KDM4A: variants seen among roughly 807,000 people sequenced by gnomAD.
The protein encoded by KDM4A is lysine demethylase 4A, also known as lysine-specific demethylase 4A.
A neutral mutation model predicts 127.1 loss-of-function variants in KDM4A; 23 were observed. The observed-to-expected ratio is 0.18, with a 90% CI of 0.13 to 0.26. The LOEUF (loss-of-function observed/expected upper bound fraction) is 0.26. Ranked by LOEUF, KDM4A falls within the 10% of genes least tolerant of loss-of-function variation. The pLI is 1.00. For missense variants in KDM4A, 890 were observed against 1,329.1 expected, an observed-to-expected ratio of 0.67 and a Z score of 5.14; for synonymous variants, 443 against 466.5, an observed-to-expected ratio of 0.95 and a Z score of 0.65.
intron 9 of KDM4A, 81 bp from the exon 10 acceptor site, chr1:43,669,019 T>C: frequency 7.0e-7 from 1 of 1,423,454 alleles, no homozygotes; most frequent in Non-Finnish European, 9.8e-7. Context: ...TCACTTTGGG[T>C]TGTGTGTGGA....
intron 3 of KDM4A, among the ~76,000 whole-genome samples, chr1:43,659,562 G>A (rs377372678): frequency 6.6e-6 from 1 of 151,988 alleles, no homozygotes; most frequent in African/African-American, 2.4e-5. Flanking sequence ...CAGGTGATCC[G>A]CCCCCGCCAG....
In KDM4A at chr1:43,705,417, A is replaced by G. The variant is rs1175856343; in HGVS notation, c.*1047A>G. 1 of 152,624 alleles carries G rather than the reference A, an allele frequency of 6.6e-6. No individual in the cohort carries two copies. The highest frequency in any genetic ancestry group is 2.4e-5 in the African/African-American group (1 of 41,446). The allele number at this position is 152,624 out of a possible 1,614,324, so 9.5% of individuals were successfully genotyped here. On this transcript the variant is annotated 3_prime_UTR_variant, in exon 22 of 22. Transcript: ENST00000372396. Reference sequence around the variant, plus strand: ...CTGTGTATACAAGAATCAGATTTATAATACTTCCCCTTTTTTGTTACGTAT... The same window carrying G: ...CTGTGTATACAAGAATCAGATTTATGATACTTCCCCTTTTTTGTTACGTAT...
At chr1:43,678,788 T>C (rs554137646) in intron 11 of KDM4A, among the ~76,000 whole-genome samples, 6 of 152,192 alleles carry the variant, frequency 3.9e-5, no homozygotes, top group Admixed American at 2.6e-4. Flanking sequence ...GGTATCCTTA[T>C]GTTGCCTAGG....
chr1:43,654,860 T>C (rs1197042057), intron 2 of KDM4A, among the ~76,000 whole-genome samples: 2 of 150,622 alleles, frequency 1.3e-5, no homozygotes, highest in Admixed American at 6.7e-5. Flanking sequence ...ATTTTTTTTG[T>C]TTTTTTTTGA....
At chr1:43,659,715 A>G (rs563458850) in intron 3 of KDM4A, among the ~76,000 whole-genome samples, 12 of 152,360 alleles carry the variant, frequency 7.9e-5, no homozygotes, top group Admixed American at 7.2e-4. Flanking sequence ...TGGATGTGCA[A>G]AAATCTATAT....
chr1:43,681,446 C>CG (rs1484180122), intron 11 of KDM4A, among the ~76,000 whole-genome samples: 2 of 152,178 alleles, frequency 1.3e-5, no homozygotes, highest in African/African-American at 4.8e-5. Context: ...TCTGAACCCC[C>CG]AGTCTGAATT....
chr1:43,689,124 C>T, intron 13 of KDM4A, 29 bp downstream of exon 13: 2 of 1,604,398 alleles, frequency 1.2e-6, no homozygotes, highest in South Asian at 1.1e-5. Context: ...CTCTGTTTAC[C>T]CAGGACCAGC....
chr1:43,687,088 G>T (rs758899374), intron 12 of KDM4A, among the ~76,000 whole-genome samples: 6 of 152,174 alleles, frequency 3.9e-5, no homozygotes, highest in Admixed American at 1.3e-4. Flanking sequence ...CTCCTGTTTG[G>T]CCAGGATAAA....
At chr1:43,660,516 G>A (rs1490731580) in intron 4 of KDM4A, 104 bp downstream of exon 4, 6 of 1,457,592 alleles carry the variant, frequency 4.1e-6, no homozygotes, top group African/African-American at 2.8e-5. Flanking sequence ...TGGTGAATGG[G>A]TGGATGAACA....
chr1:43,692,922 T>C (rs951553709), intron 16 of KDM4A, among the ~76,000 whole-genome samples: 3 of 152,214 alleles, frequency 2.0e-5, no homozygotes, highest in African/African-American at 7.2e-5. Flanking sequence ...GTTTCTGACC[T>C]GGAAGAGCTA....
Position 43,666,448 on chromosome 1 carries a change from A to G in KDM4A, c.674-4A>G. 1.2e-6 allele frequency: 2 copies of G among 1,613,488 alleles called. No homozygotes were observed. Among genetic ancestry groups the G allele is most frequent in the East Asian group, 2.2e-5 (1 of 44,868 alleles). On this transcript the variant is annotated splice_region_variant and splice_polypyrimidine_tract_variant and intron_variant, in intron 6 of 21. Transcript: ENST00000372396. ...TGTTAACCTGTACCCTTTCAATTAA[A>G]TAGGCTTTTTCCCAGGAAGTGCTCA... is the stretch of plus-strand genomic sequence containing the variant.
chr1:43,692,403 C>T, intron 16 of KDM4A, 92 bp downstream of exon 16: 2 of 1,094,764 alleles, frequency 1.8e-6, no homozygotes, highest in East Asian at 2.4e-5. Flanking sequence ...TTCTGAATGA[C>T]TGATGAGGAT....
intron 11 of KDM4A, among the ~76,000 whole-genome samples, chr1:43,672,550 A>G (rs1570838323): frequency 6.7e-6 from 1 of 148,500 alleles, no homozygotes; most frequent in African/African-American, 2.5e-5. Context: ...GCTGGAGTGC[A>G]GTGGCACGAT....
At position 43,653,247 on chromosome 1, in the gene KDM4A, C is replaced by G; in HGVS notation, c.72C>G (p.Phe24Leu). 3.1e-6 allele frequency: 5 copies of G among 1,614,010 alleles called. No individual in the cohort carries two copies. In the South Asian group the frequency reaches 4.4e-5, roughly 14 times the overall value. ...IMTFYPTMEE[F>L]RNFSRYIAYI... ...CCTTTTATCCAACTATGGAAGAGTT[C>G]CGAAACTTCAGTAGATACATTGCCT... Residue 24 changes from phenylalanine to leucine, a missense_variant, in exon 2 of 22, where the codon TTC becomes TTG. Phe to Leu is a conservative substitution (Grantham distance 22). Transcript: ENST00000372396.
At chr1:43,665,845 T>G (rs978615811) in intron 6 of KDM4A, 100 bp downstream of exon 6, 6 of 1,259,994 alleles carry the variant, frequency 4.8e-6, no homozygotes, top group Non-Finnish European at 7.0e-6. Flanking sequence ...TACTTGCAGG[T>G]CCTGTTGCAG....
At chr1:43,700,356 G>A (rs1188796797) in intron 19 of KDM4A, among the ~76,000 whole-genome samples, 1 of 149,500 alleles carries the variant, frequency 6.7e-6, no homozygotes, top group Non-Finnish European at 1.5e-5. Flanking sequence ...CTCAAAACTG[G>A]GCTCAAGCAA....
At chr1:43,651,022 A>G (rs1402765861) in intron 1 of KDM4A, among the ~76,000 whole-genome samples, 1 of 152,196 alleles carries the variant, frequency 6.6e-6, no homozygotes, top group Non-Finnish European at 1.5e-5. Context: ...CAGTTTTTCA[A>G]CAGTTACCGA....
intron 3 of KDM4A, among the ~76,000 whole-genome samples, chr1:43,656,873 G>C (rs1391444208): frequency 6.6e-6 from 1 of 151,644 alleles, no homozygotes; most frequent in Non-Finnish European, 1.5e-5. Context: ...TTACATACAG[G>C]CGCCTGCCAC....
At position 43,653,386 on chromosome 1, in the gene KDM4A, G is replaced by A; in HGVS notation, c.138+73G>A. ...AGTAAGATTTTTTTCCTACATTTGG[G>A]CCGGAACTGTGTTTTACTGAAAGTT... On this transcript the variant is annotated intron_variant, in intron 2 of 21. Transcript: ENST00000372396. 2 of 1,437,274 alleles carry A rather than the reference G, an allele frequency of 1.4e-6. 1 individual carries two copies. The highest frequency in any genetic ancestry group is 5.0e-5 in the East Asian group (2 of 40,402). 89.0% of individuals were successfully genotyped at this position (1,437,274 alleles called of 1,614,324 possible).
Sources: allele counts gnomAD v4.1 joint callset (sites outside exome capture counted in the v4.1 genomes callset), GRCh38; gene constraint gnomAD v4.1.1; transcripts MANE v1.5; gene names NCBI Gene and HGNC (gene_info 2026-07-23, HGNC 2026-07-21).